Variants in GMDS observed in about 807,000 individuals in gnomAD.
GMDS encodes GDP-mannose 4,6 dehydratase.
A neutral mutation model predicts 49.9 loss-of-function variants in GMDS; 20 were observed. That is an observed-to-expected ratio of 0.40 (90% CI 0.28 to 0.58). The LOEUF (loss-of-function observed/expected upper bound fraction) is 0.58. Ranked by LOEUF, GMDS falls within the 20% of genes least tolerant of loss-of-function variation. GMDS has a pLI of 0.42. For synonymous variants in GMDS, 177 were observed against 178.6 expected (o/e 0.99, Z 0.07); for missense variants, 362 against 481.4 (o/e 0.75, Z 2.32).
chr6:2,157,095 T>TC (rs1777149363), intron 1 of GMDS, among the ~76,000 whole-genome samples: 1 of 152,236 alleles, frequency 6.6e-6, no homozygotes, highest in Non-Finnish European at 1.5e-5. Context: ...AAAAACTCCA[T>TC]TTATAACTGT....
chr6:2,245,342 G>A lies in GMDS; in HGVS notation c.81C>T (p.Leu27=), dbSNP rs368355183. ...TCACCTGGCCTGTGATACCGGTGAT[G>A]AGCGCCACGTTCCTGGGCTTGCCCA... ...GEMGKPRNVA[L]ITGITGQDGS... is the part of the protein sequence containing the mutation. Residue 27 remains leucine, a synonymous_variant, in exon 1 of 11, where the codon CTC becomes CTT. Transcript: ENST00000380815. 18 of 1,552,154 alleles carry A rather than the reference G, an allele frequency of 1.2e-5. No homozygotes were observed. Among genetic ancestry groups the A allele is most frequent in the African/African-American group, 2.7e-5 (2 of 73,472 alleles).
rs1004130630 is a variant in GMDS, at chr6:1,950,854, C to T, written c.643+9013G>A. On this transcript the variant is annotated intron_variant, in intron 6 of 10. Coordinates refer to ENST00000380815, the MANE Select transcript of GMDS (RefSeq NM_001500.4). ...CCATGAACCATCTGGACAGGACAGG[C>T]GTTTGTTATAGAGCCATCCCGTGCA... Among the ~76,000 whole-genome samples, 13 of 151,968 alleles carry T rather than the reference C, an allele frequency of 8.6e-5. No homozygotes were observed. In the South Asian group the frequency reaches 1.7e-3, roughly 19 times the overall value.
chr6:2,201,218 T>A lies in GMDS; in HGVS notation c.102+44103A>T, dbSNP rs527384489. Among the ~76,000 whole-genome samples, 9 of 120,920 alleles carry A rather than the reference T, an allele frequency of 7.4e-5. No homozygotes were observed. In the East Asian group the frequency reaches 2.5e-3, roughly 33 times the overall value. 79.3% of individuals were successfully genotyped at this position (120,920 alleles called of 152,430 possible). On this transcript the variant is annotated intron_variant, in intron 1 of 10. Coordinates refer to ENST00000380815, the MANE Select transcript of GMDS (RefSeq NM_001500.4). ...ATGAAGAGAGAGCACCACATGGACA[T>A]CCGAGATGTAACAACCATCTAGGCA...
chr6:2,194,028 C>T (rs558966290), intron 1 of GMDS, among the ~76,000 whole-genome samples: 2 of 130,720 alleles, frequency 1.5e-5, no homozygotes, highest in Admixed American at 1.4e-4. Context: ...GCCAAAAATG[C>T]TATTTTTTTT....
chr6:1,985,310 C>G (rs1198085675), intron 4 of GMDS, among the ~76,000 whole-genome samples: 1 of 152,042 alleles, frequency 6.6e-6, no homozygotes, highest in Non-Finnish European at 1.5e-5. Flanking sequence ...ATGGTGGCAG[C>G]CACACAACCA....
At chr6:1,686,949 C>A (rs893627692) in intron 9 of GMDS, among the ~76,000 whole-genome samples, 1 of 152,118 alleles carries the variant, frequency 6.6e-6, no homozygotes, top group African/African-American at 2.4e-5. Flanking sequence ...TAATAGCTAC[C>A]AGCAGCGCCA....
intron 9 of GMDS, among the ~76,000 whole-genome samples, chr6:1,683,193 G>A (rs1439806247): frequency 6.6e-6 from 1 of 152,034 alleles, no homozygotes; most frequent in African/African-American, 2.4e-5. Context: ...GTGCAATCTC[G>A]GCTCACTGCA....
chr6:1,832,269 T>C (rs1358736038), intron 7 of GMDS, among the ~76,000 whole-genome samples: 2 of 151,776 alleles, frequency 1.3e-5, no homozygotes, highest in African/African-American at 4.8e-5. Context: ...CATGTGCCTG[T>C]AGTCCCAGCT....
chr6:1,789,141 G>T (rs142123853), intron 7 of GMDS, among the ~76,000 whole-genome samples: 3 of 152,202 alleles, frequency 2.0e-5, no homozygotes, highest in Non-Finnish European at 2.9e-5. Context: ...AGCAGGGGAC[G>T]GTCTGGAAGG....
chr6:1,647,459 G>C (rs1381628963), intron 9 of GMDS, among the ~76,000 whole-genome samples: 1 of 152,102 alleles, frequency 6.6e-6, no homozygotes, highest in Non-Finnish European at 1.5e-5. Context: ...CTGATACCTG[G>C]GATACTGAAA....
intron 4 of GMDS, among the ~76,000 whole-genome samples, chr6:2,019,386 A>C (rs751742773): frequency 5.3e-5 from 8 of 151,986 alleles, no homozygotes; most frequent in Non-Finnish European, 1.0e-4. Context: ...TACTCATCTT[A>C]GAGGGCAAGC....
chr6:1,892,344 C>T (rs1238878708), intron 7 of GMDS, among the ~76,000 whole-genome samples: 1 of 152,100 alleles, frequency 6.6e-6, no homozygotes, highest in Non-Finnish European at 1.5e-5. Context: ...AACCCACTAC[C>T]ATAAATCCAC....
chr6:2,029,140 T>A (rs1053097835), intron 4 of GMDS, among the ~76,000 whole-genome samples: 17 of 152,130 alleles, frequency 1.1e-4, no homozygotes, highest in African/African-American at 4.1e-4. Context: ...AGAAAGTAAA[T>A]CCAATCAAAA....
chr6:1,744,556 A>G (rs992247982), intron 7 of GMDS, among the ~76,000 whole-genome samples: 4 of 139,726 alleles, frequency 2.9e-5, no homozygotes, highest in African/African-American at 1.0e-4. Flanking sequence ...GGAGTCTACA[A>G]TGGCTTGGTA....
intron 9 of GMDS, among the ~76,000 whole-genome samples, chr6:1,681,181 G>A (rs1764775644): frequency 6.6e-6 from 1 of 151,496 alleles, no homozygotes. Flanking sequence ...ACCGAGAGGC[G>A]ATGAGCACAG....
At chr6:1,963,299 C>T (rs1764072955) in intron 4 of GMDS, among the ~76,000 whole-genome samples, 1 of 152,126 alleles carries the variant, frequency 6.6e-6, no homozygotes, top group African/African-American at 2.4e-5. Context: ...ATTCTCCTAC[C>T]TCAGCCTCTT....
At chr6:2,126,346 G>A (rs559472508) in intron 1 of GMDS, among the ~76,000 whole-genome samples, 2 of 152,112 alleles carry the variant, frequency 1.3e-5, no homozygotes, top group South Asian at 4.1e-4. Flanking sequence ...GGTTGGGGAC[G>A]TTTGGGTTTT....
intron 7 of GMDS, among the ~76,000 whole-genome samples, chr6:1,910,150 G>A (rs1381363007): frequency 2.0e-5 from 3 of 151,522 alleles, no homozygotes; most frequent in Non-Finnish European, 2.9e-5. Context: ...TTTTTATAGT[G>A]TAATAATCAC....
chr6:2,124,636 G>C (rs749189507), intron 2 of GMDS, 51 bp downstream of exon 2: 1 of 1,405,792 alleles, frequency 7.1e-7, no homozygotes, highest in Admixed American at 1.7e-5. Flanking sequence ...TGTGGCCGCT[G>C]CATGCGAGCA....
Sources: gnomAD v4.1 joint callset for allele counts (sites outside exome capture counted in the v4.1 genomes callset) on GRCh38, gnomAD v4.1.1 for gene constraint, MANE v1.5 for transcripts, NCBI Gene and HGNC (gene_info 2026-07-23, HGNC 2026-07-21) for gene names.